Variants in SLC24A1 observed in about 807,000 individuals in gnomAD.
SLC24A1 encodes solute carrier family 24 member 1, also known as sodium/potassium/calcium exchanger 1.
Under a neutral mutation model 88.1 loss-of-function variants are expected in SLC24A1, and 52 were observed. That is an observed-to-expected ratio of 0.59 (90% CI 0.47 to 0.74). The LOEUF (loss-of-function observed/expected upper bound fraction) is 0.74, where lower values mean the gene tolerates loss of function less well. Among genes scored for constraint, SLC24A1 ranks in the 30% least tolerant of loss-of-function variants. The pLI is 0.00. For missense variants in SLC24A1, 1,173 were observed against 1,363.3 expected, an observed-to-expected ratio of 0.86 and a Z score of 2.20; for synonymous variants, 455 against 498.0, an observed-to-expected ratio of 0.91 and a Z score of 1.15.
At position 65,625,469 on chromosome 15, in the gene SLC24A1, G is replaced by C. The variant is rs749306035; in HGVS notation, c.1389G>C (p.Met463Ile). Residue 463 changes from methionine to isoleucine, a missense_variant, in exon 2 of 10, where the codon ATG (methionine) becomes ATC (isoleucine). Physicochemically the swap from Met to Ile is conservative, Grantham distance 10. Coordinates refer to ENST00000261892, the MANE Select transcript of SLC24A1 (RefSeq NM_004727.3). Reference protein sequence around the residue: ...GWVVLHVFGMMYVFVALAIVC... With the variant: ...GWVVLHVFGMIYVFVALAIVC... The stretch of plus-strand genomic sequence containing the variant: ...TGGTCCTGCACGTTTTTGGCATGAT[G>C]TATGTGTTTGTGGCCTTGGCCATTG... The C allele has an allele frequency of 3.7e-6, 6 of 1,613,942 alleles. No individual in the cohort carries two copies. The highest frequency in any genetic ancestry group is 5.1e-6 in the Non-Finnish European group (6 of 1,179,912).
chr15:65,626,989 G>A (rs1010996290), intron 2 of SLC24A1, among the ~76,000 whole-genome samples: 1 of 152,146 alleles, frequency 6.6e-6, no homozygotes, highest in East Asian at 1.9e-4. Flanking sequence ...AGAAGCCGCT[G>A]GTGTGAGCAG....
At chr15:65,645,461 T>A (rs1596338454) in intron 5 of SLC24A1, 151 bp from the exon 6 acceptor site, 2 of 684,948 alleles carry the variant, frequency 2.9e-6, no homozygotes, top group Middle Eastern at 7.6e-4. Flanking sequence ...TCACATCATC[T>A]TACTTTTCCT....
chr15:65,651,814 C>A, intron 8 of SLC24A1, 55 bp downstream of exon 8: 1 of 890,064 alleles, frequency 1.1e-6, no homozygotes, highest in East Asian at 2.4e-5. Flanking sequence ...CGACACTTTC[C>A]TTCAGGATCA....
At chr15:65,653,462 T>G (rs917991263) in intron 9 of SLC24A1, among the ~76,000 whole-genome samples, 2 of 150,934 alleles carry the variant, frequency 1.3e-5, no homozygotes, top group Non-Finnish European at 2.9e-5. Context: ...AGAGTACATA[T>G]CACATTGGGG....
At chr15:65,651,832 G>A (rs764807795) in intron 8 of SLC24A1, 73 bp downstream of exon 8, 1 of 791,878 alleles carries the variant, frequency 1.3e-6, no homozygotes, top group Non-Finnish European at 2.2e-6. Flanking sequence ...TCAATCTCCG[G>A]TACTCAGGGA....
chr15:65,622,334 G>T (rs1202977384), intron 1 of SLC24A1, among the ~76,000 whole-genome samples: 1 of 152,180 alleles, frequency 6.6e-6, no homozygotes, highest in African/African-American at 2.4e-5. Context: ...CCTTTTGCTT[G>T]TCCCTCTCTT....
intron 2 of SLC24A1, among the ~76,000 whole-genome samples, chr15:65,635,462 A>G (rs908858026): frequency 2.0e-5 from 3 of 148,524 alleles, no homozygotes; most frequent in South Asian, 2.1e-4. Context: ...AAAAAAAAAA[A>G]AAAAAAAAGA....
upstream of SLC24A1, among the ~76,000 whole-genome samples, chr15:65,621,494 A>G (rs1419728654): frequency 2.0e-5 from 3 of 152,098 alleles, no homozygotes; most frequent in Non-Finnish European, 4.4e-5. Flanking sequence ...TTTGTTTTTT[A>G]TTTTGATTCT....
At chr15:65,623,911 A>G (rs1471799834) in intron 1 of SLC24A1, 44 bp from the exon 2 acceptor site, 6 of 561,884 alleles carry the variant, frequency 1.1e-5, no homozygotes, top group Non-Finnish European at 3.1e-6. Context: ...TGGATCCCAG[A>G]TCTCCTCTTA....
chr15:65,646,826 C>T (rs1414960916), intron 6 of SLC24A1, among the ~76,000 whole-genome samples: 1 of 152,218 alleles, frequency 6.6e-6, no homozygotes, highest in Non-Finnish European at 1.5e-5. Flanking sequence ...CTTAAGCCAG[C>T]AACTTTGGGT....
At chr15:65,642,846 G>A (rs2075174978) in intron 4 of SLC24A1, 6 of 407,344 alleles carry the variant, frequency 1.5e-5, no homozygotes, top group East Asian at 1.5e-4. Flanking sequence ...TTGTCCTGGA[G>A]CCAGGCAGAG....
Position 65,647,475 on chromosome 15 carries a change from CAA to C in SLC24A1, c.2232+1795_2232+1796del, listed in dbSNP as rs199501932. ...CCTGGGTGACAGAGAGAGACTGTCT[CAA>C]AAAAAAAAAAAAAAAAAAAAAAGAG... is the stretch of plus-strand genomic sequence containing the variant. On this transcript the variant is annotated intron_variant, in intron 6 of 9. Transcript: ENST00000261892. Among the ~76,000 whole-genome samples the C allele has an allele frequency of 5.9e-3, 475 of 81,142 alleles. 1 individual carries two copies. Among genetic ancestry groups the C allele is most frequent in the African/African-American group, 0.017 (384 of 22,616 alleles). The allele number at this position is 81,142 out of a possible 152,430, so 53.2% of individuals were successfully genotyped here. A position where few individuals can be genotyped will look rare whatever the true frequency, so the allele number is the denominator to read the frequency against.
At chr15:65,621,788 G>A (rs1042981697), upstream of SLC24A1, 4 of 152,254 alleles carry the variant, frequency 2.6e-5, no homozygotes, top group African/African-American at 4.8e-5. Flanking sequence ...TGGGCCCACA[G>A]TGAGCCCCTC....
In SLC24A1 at chr15:65,624,147, A is replaced by T; in HGVS notation, c.67A>T (p.Ser23Cys). 6.2e-7 allele frequency: 1 copy of T among 1,613,570 alleles called. No individual in the cohort carries two copies. The highest frequency in any genetic ancestry group is 8.5e-7 in the Non-Finnish European group (1 of 1,179,758). ...ACTCCGGACAAAGCGGCTTCATTGG[A>T]GTCGCCTCCTCTTCTTACTGGGAAT... ...WLLRTKRLHWSRLLFLLGMLI... is the reference protein window; with the variant it reads ...WLLRTKRLHWCRLLFLLGMLI... Residue 23 changes from serine to cysteine, a missense_variant, in exon 2 of 10, where the codon AGT becomes TGT. Coordinates refer to ENST00000261892, the MANE Select transcript of SLC24A1 (RefSeq NM_004727.3).
intron 6 of SLC24A1, 123 bp downstream of exon 6, chr15:65,645,826 ATTAC>A (rs1194740091): frequency 1.5e-6 from 1 of 653,410 alleles, no homozygotes; most frequent in Non-Finnish European, 2.7e-6. Context: ...GGGGGTAAAT[ATTAC>A]CCTTTCTCTG....
intron 2 of SLC24A1, among the ~76,000 whole-genome samples, chr15:65,626,884 G>A (rs1192299656): frequency 2.6e-5 from 4 of 152,088 alleles, no homozygotes; most frequent in African/African-American, 7.2e-5. Flanking sequence ...CTAAAGTGAG[G>A]GTACCTTAGG....
Position 65,650,973 on chromosome 15 carries a change from T to A in SLC24A1, c.2793+31T>A. 1 of 1,593,550 alleles carries A rather than the reference T, an allele frequency of 6.3e-7. No homozygotes were observed. The highest frequency in any genetic ancestry group is 8.6e-7 in the Non-Finnish European group (1 of 1,161,388). On this transcript the variant is annotated intron_variant, in intron 7 of 9. Transcript: ENST00000261892. This position sits in a 1 kb window ranked among gnomAD's most constrained non-coding sequence, Gnocchi z 4.1. ...TGTGCCCATCTGTATCTCAGACTCT[T>A]TATCCCCAGCAGGGCTGTGGGGTCT...
intron 6 of SLC24A1, among the ~76,000 whole-genome samples, chr15:65,648,152 C>G (rs1410624897): frequency 6.6e-6 from 1 of 152,038 alleles, no homozygotes; most frequent in African/African-American, 2.4e-5. Context: ...CCCAGCTACT[C>G]GGGATGCTGA....
rs772821152 is a variant in SLC24A1, at chr15:65,650,603, T to C, written c.2454T>C (p.Asp818=). ...GEDEGEIHAE[D]GEMKGNEGET... ...ATGAGGGTGAAATCCACGCAGAAGA[T>C]GGTGAAATGAAAGGTAATGAAGGTG... The change falls in exon 7 of 10, where the codon GAT becomes GAC. Residue 818 remains aspartate, a synonymous_variant. Transcript: ENST00000261892. This position sits in a 1 kb window ranked among gnomAD's most constrained non-coding sequence, Gnocchi z 4.1. 6 of 1,551,176 alleles carry C rather than the reference T, an allele frequency of 3.9e-6. No homozygotes were observed. Among genetic ancestry groups the C allele is most frequent in the Admixed American group, 2.0e-5 (1 of 50,906 alleles).
Sources: allele counts gnomAD v4.1 joint callset (sites outside exome capture counted in the v4.1 genomes callset), GRCh38; gene constraint gnomAD v4.1.1; non-coding constraint Gnocchi (gnomAD v3.1); transcripts MANE v1.5; gene names NCBI Gene and HGNC (gene_info 2026-07-23, HGNC 2026-07-21).